Variants in LGSN observed in about 807,000 individuals in gnomAD.
The protein encoded by LGSN is lengsin.
In LGSN, 21 loss-of-function variants were observed where a neutral mutation model predicts 19.5. The ratio of observed to expected loss-of-function variants is 1.07; its 90% confidence interval spans 0.76 to 1.55. LGSN has a LOEUF of 1.55. Among genes scored for constraint, LGSN ranks in the 40% most tolerant of loss-of-function variants. The pLI is 0.00. For missense variants in LGSN, 673 were observed against 608.5 expected (o/e 1.11, Z -1.12); for synonymous variants, 257 against 215.6 (o/e 1.19, Z -1.68).
chr6:63,462,118 C>A, the LGSN span, among the ~76,000 whole-genome samples: 1 of 152,132 alleles, frequency 6.6e-6, no homozygotes, highest in South Asian at 2.1e-4. Context: ...TTCTCTGATT[C>A]TCCGAGGCAA....
At chr6:63,547,934 C>T in the LGSN span, among the ~76,000 whole-genome samples, 1 of 152,150 alleles carries the variant, frequency 6.6e-6, no homozygotes, top group African/African-American at 2.4e-5. Flanking sequence ...TGCTTAAAAC[C>T]CTTAAAGTTC....
the LGSN span, among the ~76,000 whole-genome samples, chr6:63,437,585 T>C: frequency 6.6e-6 from 1 of 152,238 alleles, no homozygotes; most frequent in Admixed American, 6.5e-5. Flanking sequence ...ATTGCTGGAG[T>C]CAAAATGTAT....
the LGSN span, among the ~76,000 whole-genome samples, chr6:63,330,620 A>C: frequency 2.6e-5 from 4 of 152,108 alleles, no homozygotes; most frequent in Non-Finnish European, 5.9e-5. Flanking sequence ...GACATCATTG[A>C]ATGGGCTTTT....
At chr6:63,366,720 T>C in the LGSN span, among the ~76,000 whole-genome samples, 2 of 152,162 alleles carry the variant, frequency 1.3e-5, no homozygotes, top group Non-Finnish European at 2.9e-5. Context: ...CAAAACAGCA[T>C]GGTACTGGTA....
Position 63,281,314 on chromosome 6 carries a change from T to A in LGSN, c.331-94A>T, listed in dbSNP as rs1277211163. On this transcript the variant is annotated intron_variant, in intron 3 of 3. Coordinates refer to ENST00000370657, the MANE Select transcript of LGSN (RefSeq NM_016571.3). Reference sequence around the variant, plus strand: ...AGCCTTGCTAATGAAAATATATATATATATATATATATATATAATAAATAT... The same window carrying A: ...AGCCTTGCTAATGAAAATATATATAAATATATATATATATATAATAAATAT... 1.5e-3 allele frequency: 243 copies of A among 165,786 alleles called. 3 individuals are homozygous for A. Among genetic ancestry groups the A allele is most frequent in the African/African-American group, 5.8e-3 (231 of 39,858 alleles). 10.3% of individuals were successfully genotyped at this position (165,786 alleles called of 1,614,324 possible). A position where few individuals can be genotyped will look rare whatever the true frequency, so the allele number is the denominator to read the frequency against.
the LGSN span, among the ~76,000 whole-genome samples, chr6:63,425,439 T>TA: frequency 2.6e-5 from 4 of 151,648 alleles, no homozygotes; most frequent in African/African-American, 7.3e-5. Context: ...TACTCTGAAA[T>TA]AAAAAAAAGA....
chr6:63,384,191 T>G, the LGSN span, among the ~76,000 whole-genome samples: 1 of 152,174 alleles, frequency 6.6e-6, no homozygotes, highest in East Asian at 1.9e-4. Context: ...CTGATTTCAT[T>G]TGATGTCTAC....
chr6:63,316,505 T>C (rs923626868), intron 1 of LGSN, among the ~76,000 whole-genome samples: 4 of 152,158 alleles, frequency 2.6e-5, no homozygotes, highest in African/African-American at 9.7e-5. Context: ...CCATGTGATT[T>C]TGATAATATG....
chr6:63,565,288 C>T, the LGSN span, among the ~76,000 whole-genome samples: 1 of 151,878 alleles, frequency 6.6e-6, no homozygotes, highest in African/African-American at 2.4e-5. Context: ...TATTAAGCGG[C>T]AGAGTTACTA....
chr6:63,398,696 T>C, the LGSN span, among the ~76,000 whole-genome samples: 1 of 152,208 alleles, frequency 6.6e-6, no homozygotes, highest in African/African-American at 2.4e-5. Flanking sequence ...ATGTGCAATG[T>C]GTATAAAATC....
the LGSN span, among the ~76,000 whole-genome samples, chr6:63,557,116 G>A: frequency 6.6e-6 from 1 of 152,100 alleles, no homozygotes; most frequent in South Asian, 2.1e-4. Flanking sequence ...CCTTTGTCTT[G>A]GAATTCTTCA....
the LGSN span, among the ~76,000 whole-genome samples, chr6:63,426,723 C>A: frequency 6.6e-6 from 1 of 152,112 alleles, no homozygotes; most frequent in African/African-American, 2.4e-5. Context: ...CCATGTTGGC[C>A]AGGCTGGTCT....
intron 3 of LGSN, among the ~76,000 whole-genome samples, chr6:63,282,978 A>T (rs1209826360): frequency 6.6e-6 from 1 of 152,150 alleles, no homozygotes; most frequent in Non-Finnish European, 1.5e-5. Context: ...TTTATTCATG[A>T]GACTTCTATG....
In LGSN at chr6:63,308,564, T is replaced by C. The variant is rs551607535; in HGVS notation, c.30+11350A>G. 3.3e-5 allele frequency among the ~76,000 whole-genome samples: 5 copies of C among 152,250 alleles called. No individual in the cohort carries two copies. In the East Asian group the frequency reaches 9.6e-4, roughly 29 times the overall value. Reference sequence around the variant, plus strand: ...TTTAGGTTCTAAATATCAATGATTTTATTGATTTAGTTTTAATTTTCTCTA... The same window carrying C: ...TTTAGGTTCTAAATATCAATGATTTCATTGATTTAGTTTTAATTTTCTCTA... On this transcript the variant is annotated intron_variant, in intron 1 of 3. Coordinates refer to ENST00000370657, the MANE Select transcript of LGSN (RefSeq NM_016571.3).
At chr6:63,394,521 C>T in the LGSN span, among the ~76,000 whole-genome samples, 3 of 152,198 alleles carry the variant, frequency 2.0e-5, no homozygotes, top group Non-Finnish European at 4.4e-5. Context: ...TTGCCCATCC[C>T]TTTCCTGGAA....
intron 1 of LGSN, among the ~76,000 whole-genome samples, chr6:63,311,320 AC>A (rs771145457): frequency 7.9e-5 from 12 of 152,202 alleles, no homozygotes; most frequent in Non-Finnish European, 1.8e-4. Flanking sequence ...TGTAAACTTA[AC>A]TAACTGAGAT....
chr6:63,400,470 C>T, the LGSN span, among the ~76,000 whole-genome samples: 4 of 152,210 alleles, frequency 2.6e-5, no homozygotes, highest in Non-Finnish European at 5.9e-5. Flanking sequence ...TAACAGTAGA[C>T]GTCCTCCTGG....
chr6:63,344,763 A>G, the LGSN span, among the ~76,000 whole-genome samples: 4 of 152,144 alleles, frequency 2.6e-5, no homozygotes, highest in Non-Finnish European at 4.4e-5. Flanking sequence ...AGAAAAAAAA[A>G]CCTGTTATTA....
chr6:63,473,933 GAT>G, the LGSN span, among the ~76,000 whole-genome samples: 9 of 148,890 alleles, frequency 6.0e-5, no homozygotes. Context: ...TTAGATTAAA[GAT>G]ACATGCTCCA....
Sources: gnomAD v4.1 joint callset for allele counts (sites outside exome capture counted in the v4.1 genomes callset) on GRCh38, gnomAD v4.1.1 for gene constraint, MANE v1.5 for transcripts, NCBI Gene and HGNC (gene_info 2026-07-23, HGNC 2026-07-21) for gene names.